Variants in TNNI3K observed in about 807,000 individuals in gnomAD.
TNNI3K encodes the protein serine/threonine-protein kinase TNNI3K.
TNNI3K carries 140 observed loss-of-function variants against 114.5 expected under a neutral mutation model. That is an observed-to-expected ratio of 1.22 (90% confidence interval 1.07 to 1.41). TNNI3K has a LOEUF of 1.41. TNNI3K is among the 40% of genes most tolerant of loss of function. The pLI is 0.00. For missense variants in TNNI3K, 1,125 were observed against 1,007.6 expected (o/e 1.12, Z -1.58); for synonymous variants, 347 against 347.5 (o/e 1.00, Z 0.02).
intron 22 of TNNI3K, among the ~76,000 whole-genome samples, chr1:74,490,133 G>T (rs992940067): frequency 1.3e-5 from 2 of 150,680 alleles, no homozygotes; most frequent in African/African-American, 2.4e-5. Context: ...GTTACAGCCT[G>T]CAGTGAGTGG....
chr1:74,487,974 AG>A (rs1668852765), intron 21 of TNNI3K, among the ~76,000 whole-genome samples: 1 of 152,128 alleles, frequency 6.6e-6, no homozygotes, highest in Non-Finnish European at 1.5e-5. Flanking sequence ...GGTATAACTA[AG>A]GGGCTGAGTG....
chr1:74,354,002 C>T lies in TNNI3K; in HGVS notation c.1050C>T (p.His350=), dbSNP rs199615305. 1.2e-5 allele frequency: 20 copies of T among 1,613,840 alleles called. No homozygotes were observed. The highest frequency in any genetic ancestry group is 1.6e-4 in the Middle Eastern group (1 of 6,062). The change falls in exon 11 of 25, where the codon CAC becomes CAT. Residue 350 remains histidine, a synonymous_variant. Coordinates refer to ENST00000326637, the MANE Select transcript of TNNI3K (RefSeq NM_015978.3). The stretch of plus-strand genomic sequence containing the variant: ...CAGGATTACACTCTGCTTGCTACCA[C>T]GGTCACATTCGCCTGGTTCAGTTCT... ...GHTGLHSACY[H]GHIRLVQFLL...
At chr1:74,453,505 G>C (rs1667109434) in intron 20 of TNNI3K, among the ~76,000 whole-genome samples, 1 of 152,128 alleles carries the variant, frequency 6.6e-6, no homozygotes, top group Admixed American at 6.5e-5. Flanking sequence ...ATCAATTATG[G>C]TAGTAGCAGC....
intron 2 of TNNI3K, among the ~76,000 whole-genome samples, chr1:74,241,168 A>G (rs1654177495): frequency 1.3e-5 from 2 of 152,258 alleles, no homozygotes; most frequent in South Asian, 4.1e-4. Context: ...AATCCAGTCT[A>G]TCATTGTTGG....
intron 17 of TNNI3K, among the ~76,000 whole-genome samples, chr1:74,417,776 G>A (rs572811451): frequency 6.6e-6 from 1 of 151,164 alleles, no homozygotes; most frequent in East Asian, 2.0e-4. Context: ...AAGAATAAAA[G>A]GAAGGAAGTA....
At chr1:74,263,691 C>A (rs1056097255) in intron 4 of TNNI3K, among the ~76,000 whole-genome samples, 25 of 151,904 alleles carry the variant, frequency 1.6e-4, no homozygotes, top group African/African-American at 6.0e-4. Flanking sequence ...ACATTAATTT[C>A]TCTTCCAAAA....
intron 5 of TNNI3K, among the ~76,000 whole-genome samples, chr1:74,285,326 A>G (rs1657262500): frequency 1.3e-5 from 2 of 152,162 alleles, no homozygotes; most frequent in African/African-American, 4.8e-5. Flanking sequence ...TCAGCCCTGG[A>G]TCTTTATGCT....
At chr1:74,260,582 G>A (rs1655603156) in intron 4 of TNNI3K, among the ~76,000 whole-genome samples, 1 of 152,064 alleles carries the variant, frequency 6.6e-6, no homozygotes, top group East Asian at 1.9e-4. Context: ...GCAGTACTTA[G>A]CAAAATACCT....
At chr1:74,428,545 A>G (rs1665743442) in intron 17 of TNNI3K, among the ~76,000 whole-genome samples, 1 of 152,094 alleles carries the variant, frequency 6.6e-6, no homozygotes, top group South Asian at 2.1e-4. Context: ...ACAGACTTCC[A>G]TAGGCTTCAT....
At chr1:74,485,896 G>T (rs148820085) in intron 21 of TNNI3K, among the ~76,000 whole-genome samples, 6 of 152,202 alleles carry the variant, frequency 3.9e-5, no homozygotes, top group East Asian at 1.9e-4. Context: ...CAACCAATGC[G>T]CTTAAAAGAG....
At chr1:74,539,298 G>T (rs546808130) in intron 23 of TNNI3K, among the ~76,000 whole-genome samples, 65 of 152,276 alleles carry the variant, frequency 4.3e-4, no homozygotes, top group African/African-American at 1.5e-3. Context: ...AACTGAAATG[G>T]AAAGAACTGG....
At chr1:74,380,541 C>CAG (rs1663150154) in intron 17 of TNNI3K, among the ~76,000 whole-genome samples, 1 of 152,150 alleles carries the variant, frequency 6.6e-6, no homozygotes, top group African/African-American at 2.4e-5. Context: ...CCTCTAAAAC[C>CAG]TTTCAAATGC....
At chr1:74,410,529 G>A (rs1373094276) in intron 17 of TNNI3K, among the ~76,000 whole-genome samples, 1 of 152,158 alleles carries the variant, frequency 6.6e-6, no homozygotes, top group African/African-American at 2.4e-5. Flanking sequence ...AGTTTTATTT[G>A]TGTTTCACTG....
At chr1:74,324,401 T>C (rs1242278837) in intron 5 of TNNI3K, among the ~76,000 whole-genome samples, 1 of 152,226 alleles carries the variant, frequency 6.6e-6, no homozygotes, top group East Asian at 1.9e-4. Context: ...AACATAGTCA[T>C]GATCCTTTTT....
chr1:74,392,260 A>AG (rs1663827509), intron 17 of TNNI3K, among the ~76,000 whole-genome samples: 1 of 152,170 alleles, frequency 6.6e-6, no homozygotes, highest in Admixed American at 6.5e-5. Context: ...GTCCATGATA[A>AG]GGGAATAATC....
chr1:74,270,664 G>T (rs1468202176), intron 4 of TNNI3K, among the ~76,000 whole-genome samples: 1 of 151,554 alleles, frequency 6.6e-6, no homozygotes, highest in Non-Finnish European at 1.5e-5. Context: ...AACAGTATTT[G>T]ATGTTATATG....
At chr1:74,418,077 A>G (rs930251945) in intron 17 of TNNI3K, 3 of 395,720 alleles carry the variant, frequency 7.6e-6, no homozygotes, top group Middle Eastern at 5.0e-4. Context: ...CTTACATTCA[A>G]GCAATGGAAA....
At chr1:74,532,335 G>T (rs1646598695) in intron 23 of TNNI3K, among the ~76,000 whole-genome samples, 1 of 152,054 alleles carries the variant, frequency 6.6e-6, no homozygotes, top group Non-Finnish European at 1.5e-5. Context: ...TCTCTAAGAA[G>T]AATTTAGCGT....
chr1:74,510,067 G>A (rs572707157), intron 23 of TNNI3K, among the ~76,000 whole-genome samples: 1 of 152,176 alleles, frequency 6.6e-6, no homozygotes, highest in East Asian at 1.9e-4. Flanking sequence ...TATTGCTTGT[G>A]TATTCTTTGG....
Sources: gnomAD v4.1 joint callset for allele counts (sites outside exome capture counted in the v4.1 genomes callset) on GRCh38, gnomAD v4.1.1 for gene constraint, MANE v1.5 for transcripts, NCBI Gene and HGNC (gene_info 2026-07-23, HGNC 2026-07-21) for gene names.